The following STRA8 variants were observed in gnomAD, a reference collection of about 807,000 sequenced individuals.
STRA8 encodes stimulated by retinoic acid 8.
In STRA8, 18 loss-of-function variants were observed where a neutral mutation model predicts 37.1. That is an observed-to-expected ratio of 0.48 (90% CI 0.34 to 0.72). STRA8 has a LOEUF of 0.72. Among genes scored for constraint, STRA8 ranks in the 30% least tolerant of loss-of-function variants. STRA8 has a pLI of 0.01. For missense variants in STRA8, 357 were observed against 410.4 expected (o/e 0.87, Z 1.13); for synonymous variants, 168 against 162.9 (o/e 1.03, Z -0.24).
intron 6 of STRA8, among the ~76,000 whole-genome samples, chr7:135,248,416 G>T (rs1028478471): frequency 2.0e-5 from 3 of 151,756 alleles, no homozygotes; most frequent in East Asian, 3.9e-4. Flanking sequence ...TTAAAGTCAG[G>T]TGCCTGGCTG....
Position 135,245,420 on chromosome 7 carries a change from G to GGAA in STRA8, c.488_489insAGA (p.Glu178dup), listed in dbSNP as rs2117803827. 1.3e-6 allele frequency: 1 copy of GGAA among 767,420 alleles called. No homozygotes were observed. The highest frequency in any genetic ancestry group is 2.4e-6 in the Non-Finnish European group (1 of 412,604). 47.5% of individuals were successfully genotyped at this position (767,420 alleles called of 1,614,324 possible). On this transcript the variant is annotated inframe_insertion, in exon 5 of 9. Transcript: ENST00000662584. ...AAGAAGAGGAGGAGGAAGAAGAAGA[G>GGAA]GAGGAGGAGGAAGAGGAGGAAGAGG...
At chr7:135,249,520 G>A (rs1323422516) in intron 6 of STRA8, among the ~76,000 whole-genome samples, 1 of 151,780 alleles carries the variant, frequency 6.6e-6, no homozygotes, top group African/African-American at 2.4e-5. Flanking sequence ...GGAGGTGGAG[G>A]TTGCAGTGAG....
chr7:135,248,407 T>A (rs201571926), intron 6 of STRA8, among the ~76,000 whole-genome samples: 40 of 141,348 alleles, frequency 2.8e-4, no homozygotes, highest in Admixed American at 5.0e-4. Context: ...AGTTTTTTTT[T>A]AAAGTCAGGT....
At chr7:135,237,728 C>T (rs1268809082) in intron 1 of STRA8, among the ~76,000 whole-genome samples, 1 of 152,222 alleles carries the variant, frequency 6.6e-6, no homozygotes, top group African/African-American at 2.4e-5. Flanking sequence ...CCCGTCTCTA[C>T]TAAAAATACA....
intron 4 of STRA8, among the ~76,000 whole-genome samples, chr7:135,244,225 G>A (rs1310226506): frequency 6.6e-6 from 1 of 152,054 alleles, no homozygotes; most frequent in African/African-American, 2.4e-5. Context: ...CGCCTGGCTA[G>A]TTTTTGTATT....
At chr7:135,252,850 G>T (rs974923715) in intron 7 of STRA8, among the ~76,000 whole-genome samples, 1 of 152,294 alleles carries the variant, frequency 6.6e-6, no homozygotes, top group South Asian at 2.1e-4. Flanking sequence ...AGAGTCAGAG[G>T]CTCGGTTTTT....
rs1162377491 is a variant in STRA8, at chr7:135,233,921, G to T, written c.-7+18G>T. Among the ~76,000 whole-genome samples, 1 of 152,150 alleles carries T rather than the reference G, an allele frequency of 6.6e-6. No individual in the cohort carries two copies. Among genetic ancestry groups the T allele is most frequent in the African/African-American group, 2.4e-5 (1 of 41,428 alleles). On this transcript the variant is annotated intron_variant, in intron 1 of 8. Coordinates refer to ENST00000662584, the MANE Select transcript of STRA8 (RefSeq NM_001394401.1). ...GTTGGCGAGTAAGTATCCTTTGAAC[G>T]CTCCTCTCCAGAAAGGTGCCCTTGG...
At chr7:135,233,986 A>G (rs1832330069) in intron 1 of STRA8, among the ~76,000 whole-genome samples, 83 bp downstream of exon 1, 1 of 152,186 alleles carries the variant, frequency 6.6e-6, no homozygotes, top group Non-Finnish European at 1.5e-5. Context: ...AATTCAGTGC[A>G]GCGGAGCCTA....
In STRA8 at chr7:135,246,270, G is replaced by A. The variant is rs1220401878; in HGVS notation, c.594-147G>A. On this transcript the variant is annotated intron_variant, in intron 5 of 8. Coordinates refer to ENST00000662584, the MANE Select transcript of STRA8 (RefSeq NM_001394401.1). The surrounding 1 kb of genome is among the most constrained non-coding windows in gnomAD (Gnocchi z 5.4). ...AAGGCTGCTGCTCTCCAAGGGCCAG[G>A]GGCGTGCAGAGTCTGAGAAGTCTCA... 2 of 1,093,436 alleles carry A rather than the reference G, an allele frequency of 1.8e-6. No homozygotes were observed. Among genetic ancestry groups the A allele is most frequent in the East Asian group, 5.2e-5 (2 of 38,716 alleles). The allele number at this position is 1,093,436 out of a possible 1,614,324, so 67.7% of individuals were successfully genotyped here.
intron 6 of STRA8, among the ~76,000 whole-genome samples, chr7:135,248,781 T>C (rs1416034846): frequency 2.0e-5 from 3 of 152,210 alleles, no homozygotes; most frequent in East Asian, 3.8e-4. Flanking sequence ...GCTTCCCTCG[T>C]GGCTAGTGCA....
chr7:135,244,095 G>A (rs1423618862), intron 4 of STRA8, among the ~76,000 whole-genome samples: 1 of 152,226 alleles, frequency 6.6e-6, no homozygotes, highest in East Asian at 1.9e-4. Context: ...GTCTCACTCT[G>A]TCACCCAGGC....
At chr7:135,242,491 G>A (rs528619776) in intron 2 of STRA8, among the ~76,000 whole-genome samples, 3 of 152,224 alleles carry the variant, frequency 2.0e-5, no homozygotes, top group East Asian at 1.9e-4. Flanking sequence ...CCTTCAAGCC[G>A]CCTCTGTAGT....
intron 8 of STRA8, among the ~76,000 whole-genome samples, chr7:135,257,509 C>T (rs969469273): frequency 6.6e-6 from 1 of 151,988 alleles, no homozygotes; most frequent in Admixed American, 6.6e-5. Flanking sequence ...ACTGCAACCT[C>T]TGCCTCCCAG....
intron 7 of STRA8, among the ~76,000 whole-genome samples, chr7:135,254,548 C>T (rs1236453799): frequency 6.6e-6 from 1 of 152,234 alleles, no homozygotes; most frequent in Non-Finnish European, 1.5e-5. Context: ...CCTGCAATAA[C>T]AGTTGCTGTC....
intron 8 of STRA8, among the ~76,000 whole-genome samples, chr7:135,256,314 T>C (rs1379328608): frequency 1.3e-5 from 2 of 152,218 alleles, no homozygotes; most frequent in African/African-American, 4.8e-5. Flanking sequence ...AGCCCTTCCT[T>C]GCAGTTTGCT....
At chr7:135,239,896 TC>T in intron 1 of STRA8, among the ~76,000 whole-genome samples, 1 of 152,326 alleles carries the variant, frequency 6.6e-6, no homozygotes, top group East Asian at 1.9e-4. Context: ...TTTATGTTTT[TC>T]CTTGAGGTAT....
At chr7:135,241,094 G>T (rs1832458263) in intron 2 of STRA8, among the ~76,000 whole-genome samples, 1 of 152,102 alleles carries the variant, frequency 6.6e-6, no homozygotes. Flanking sequence ...CTATCATATT[G>T]GGGATTGGGT....
chr7:135,232,068 C>A (rs1832301478), upstream of STRA8: 5 of 1,610,050 alleles, frequency 3.1e-6, no homozygotes, highest in South Asian at 1.1e-5. Context: ...ACTTTCCCCC[C>A]AGGACTACAT....
chr7:135,253,430 C>T (rs1379798530), intron 7 of STRA8, among the ~76,000 whole-genome samples: 1 of 152,040 alleles, frequency 6.6e-6, no homozygotes, highest in Non-Finnish European at 1.5e-5. Context: ...TCCCAGCTGA[C>T]CTGGAAGGAG....
Sources: gnomAD v4.1 joint callset for allele counts (sites outside exome capture counted in the v4.1 genomes callset) on GRCh38, gnomAD v4.1.1 for gene constraint, Gnocchi (gnomAD v3.1) non-coding constraint, MANE v1.5 for transcripts, NCBI Gene and HGNC (gene_info 2026-07-23, HGNC 2026-07-21) for gene names.